TCF12: variants seen among roughly 807,000 people sequenced by gnomAD.
TCF12 encodes the protein DNA-binding protein HTF4.
TCF12 carries 45 observed loss-of-function variants against 86.0 expected under a neutral mutation model. The observed-to-expected ratio is 0.52, with a 90% CI of 0.41 to 0.67. The LOEUF (loss-of-function observed/expected upper bound fraction) is 0.67. Ranked by LOEUF, TCF12 falls within the 30% of genes least tolerant of loss-of-function variation. TCF12 has a pLI of 0.00. For missense variants in TCF12, 881 were observed against 859.9 expected, an observed-to-expected ratio of 1.02 and a Z score of -0.31; for synonymous variants, 330 against 299.6, an observed-to-expected ratio of 1.10 and a Z score of -1.05.
chr15:57,178,030 T>C (rs913874109), intron 6 of TCF12, among the ~76,000 whole-genome samples: 21 of 152,224 alleles, frequency 1.4e-4, no homozygotes, highest in African/African-American at 5.1e-4. Flanking sequence ...CCGTTTATTC[T>C]TTCGTAAACT....
At chr15:56,925,240 G>GCT (rs2059953108) in intron 3 of TCF12, among the ~76,000 whole-genome samples, 1 of 136,258 alleles carries the variant, frequency 7.3e-6, no homozygotes, top group African/African-American at 2.7e-5. Context: ...GGTGTCCACC[G>GCT]CCCCCCCACC....
intron 19 of TCF12, chr15:57,282,078 A>G (rs2061716179): frequency 3.4e-6 from 1 of 293,632 alleles, no homozygotes; most frequent in South Asian, 3.1e-5. Flanking sequence ...TCTAAGTACA[A>G]GATGTCAGCA....
At chr15:57,178,409 A>G (rs144763538) in intron 6 of TCF12, among the ~76,000 whole-genome samples, 49 of 152,274 alleles carry the variant, frequency 3.2e-4, no homozygotes, top group African/African-American at 1.1e-3. Context: ...TTTTACTCTT[A>G]ATTATACTTA....
At chr15:57,147,987 C>T (rs777134573) in intron 5 of TCF12, among the ~76,000 whole-genome samples, 2 of 151,252 alleles carry the variant, frequency 1.3e-5, no homozygotes, top group African/African-American at 2.4e-5. Flanking sequence ...CTCAACAATC[C>T]TCTCACCTCA....
At chr15:57,230,250 AAAAC>A (rs1433915997) in intron 8 of TCF12, among the ~76,000 whole-genome samples, 4 of 152,002 alleles carry the variant, frequency 2.6e-5, no homozygotes, top group East Asian at 3.8e-4. Flanking sequence ...ATTTCAAACT[AAAAC>A]AAAATAATTT....
intron 8 of TCF12, among the ~76,000 whole-genome samples, chr15:57,202,726 C>T (rs1200626886): frequency 6.6e-6 from 1 of 150,472 alleles, no homozygotes; most frequent in Non-Finnish European, 1.5e-5. Flanking sequence ...TGAGCCACCA[C>T]ACCCGGTCTG....
chr15:56,974,760 C>T (rs2062516248), intron 3 of TCF12, among the ~76,000 whole-genome samples: 1 of 151,986 alleles, frequency 6.6e-6, no homozygotes, highest in South Asian at 2.1e-4. Flanking sequence ...AGGATTCCAG[C>T]CCTAAATTGT....
At chr15:56,945,609 A>G (rs2060961694) in intron 3 of TCF12, among the ~76,000 whole-genome samples, 1 of 152,030 alleles carries the variant, frequency 6.6e-6, no homozygotes, top group African/African-American at 2.4e-5. Flanking sequence ...TCAAGTCTGC[A>G]ATAATGATCT....
At chr15:57,219,263 T>G (rs1442844571) in intron 8 of TCF12, 1 of 1,177,194 alleles carries the variant, frequency 8.5e-7, no homozygotes, top group Non-Finnish European at 1.1e-6. Context: ...TTGCATTTTT[T>G]TAATACCTCA....
At chr15:57,252,612 TCA>T in intron 15 of TCF12, 120 bp downstream of exon 15, 2 of 783,458 alleles carry the variant, frequency 2.6e-6, no homozygotes, top group Non-Finnish European at 4.0e-6. Context: ...GTTGACTGTT[TCA>T]GTTTTTATCA....
chr15:57,214,861 T>C (rs1373039602), intron 8 of TCF12, among the ~76,000 whole-genome samples: 3 of 152,162 alleles, frequency 2.0e-5, no homozygotes, highest in Non-Finnish European at 4.4e-5. Flanking sequence ...AAGATTTTCA[T>C]ACAGTGGAAA....
intron 13 of TCF12, 94 bp downstream of exon 13, chr15:57,243,644 GA>G (rs2059728747): frequency 9.0e-7 from 1 of 1,114,878 alleles, no homozygotes; most frequent in African/African-American, 1.6e-5. Context: ...AAAAATTTGT[GA>G]AAAATCATTT....
chr15:57,053,140 G>A (rs1333579254), intron 3 of TCF12, among the ~76,000 whole-genome samples: 2 of 152,128 alleles, frequency 1.3e-5, no homozygotes, highest in Non-Finnish European at 2.9e-5. Flanking sequence ...TTGTGTATGT[G>A]TGTTTTTAAT....
At chr15:57,232,546 A>G (rs924454163) in intron 10 of TCF12, 116 bp downstream of exon 10, 2 of 1,486,122 alleles carry the variant, frequency 1.3e-6, no homozygotes, top group Non-Finnish European at 1.8e-6. Context: ...GAAGTACTTC[A>G]AGGCTTACCG....
chr15:56,993,480 G>T (rs2063552537), intron 3 of TCF12, among the ~76,000 whole-genome samples: 1 of 152,180 alleles, frequency 6.6e-6, no homozygotes, highest in Non-Finnish European at 1.5e-5. Flanking sequence ...CAAAGATGCA[G>T]CATTCTGGAT....
chr15:56,971,446 C>T (rs182601682), intron 3 of TCF12, among the ~76,000 whole-genome samples: 2 of 151,790 alleles, frequency 1.3e-5, no homozygotes, highest in East Asian at 1.9e-4. Flanking sequence ...AAAAAGAAGG[C>T]GGAAAAAGAA....
At chr15:57,156,222 A>T (rs2054099878) in intron 5 of TCF12, among the ~76,000 whole-genome samples, 1 of 152,228 alleles carries the variant, frequency 6.6e-6, no homozygotes, top group Non-Finnish European at 1.5e-5. Context: ...TGTCCAAATT[A>T]ATGTTCCACC....
intron 3 of TCF12, among the ~76,000 whole-genome samples, chr15:57,051,426 T>A (rs1256716805): frequency 6.6e-6 from 1 of 152,214 alleles, no homozygotes; most frequent in Admixed American, 6.5e-5. Context: ...CCATCCGTAA[T>A]TTCCAGTCAC....
At chr15:57,065,830 G>A (rs1448188745) in intron 4 of TCF12, among the ~76,000 whole-genome samples, 4 of 152,020 alleles carry the variant, frequency 2.6e-5, no homozygotes, top group Admixed American at 6.6e-5. Flanking sequence ...TTTTTAGTAT[G>A]TATTATGTAC....
Sources: allele counts gnomAD v4.1 joint callset (sites outside exome capture counted in the v4.1 genomes callset), GRCh38; gene constraint gnomAD v4.1.1; transcripts MANE v1.5; gene names NCBI Gene and HGNC (gene_info 2026-07-23, HGNC 2026-07-21).